Variants in MYO1H observed in about 807,000 individuals in gnomAD.
MYO1H encodes myosin IH, also known as unconventional myosin-Ih.
In MYO1H, 118 loss-of-function variants were observed where a neutral mutation model predicts 149.3. The observed-to-expected ratio is 0.79, with a 90% CI of 0.68 to 0.92. The LOEUF (loss-of-function observed/expected upper bound fraction) is 0.92, where lower values mean the gene tolerates loss of function less well. MYO1H is among the 40% of genes least tolerant of loss of function. MYO1H has a pLI of 0.00. For synonymous variants in MYO1H, 447 were observed against 465.2 expected, an observed-to-expected ratio of 0.96 and a Z score of 0.50; for missense variants, 1,212 against 1,280.7, an observed-to-expected ratio of 0.95 and a Z score of 0.82.
chr12:109,363,722 G>A (rs1184127309), intron 1 of MYO1H, among the ~76,000 whole-genome samples: 4 of 151,650 alleles, frequency 2.6e-5, no homozygotes, highest in African/African-American at 9.7e-5. Flanking sequence ...CAAAAAAAAA[G>A]AAGAAGACGC....
intron 25 of MYO1H, among the ~76,000 whole-genome samples, chr12:109,441,117 T>C (rs1872108806): frequency 1.3e-5 from 2 of 152,186 alleles, no homozygotes; most frequent in Non-Finnish European, 2.9e-5. Flanking sequence ...TGGAAATCTG[T>C]TTTTCACCGT....
chr12:109,318,972 G>GTTTTTGTTTTTT, the MYO1H span, among the ~76,000 whole-genome samples: 85 of 77,198 alleles, frequency 1.1e-3, no homozygotes, highest in African/African-American at 1.4e-3. Flanking sequence ...TTTTGGTTTT[G>GTTTTTGTTTTTT]TTTTTTTTTT....
At chr12:109,364,515 G>A (rs1250317435) in intron 1 of MYO1H, among the ~76,000 whole-genome samples, 1 of 151,986 alleles carries the variant, frequency 6.6e-6, no homozygotes, top group Admixed American at 6.6e-5. Context: ...TGTAGAGATG[G>A]GGTTTCTCCA....
chr12:109,409,225 T>TTCTTCTTCTTC (rs1566031713), intron 10 of MYO1H, among the ~76,000 whole-genome samples: 2 of 105,094 alleles, frequency 1.9e-5, no homozygotes, highest in Non-Finnish European at 3.8e-5. Context: ...CCTTCTTCTT[T>TTCTTCTTCTTC]TTCTTCTTCT....
At chr12:109,389,416 G>C (rs1476762439) in intron 2 of MYO1H, among the ~76,000 whole-genome samples, 2 of 152,128 alleles carry the variant, frequency 1.3e-5, no homozygotes, top group African/African-American at 4.8e-5. Context: ...CTGAAGGTGA[G>C]GGGTGGAGTT....
At chr12:109,362,220 G>T (rs759513678) in intron 1 of MYO1H, among the ~76,000 whole-genome samples, 2 of 152,188 alleles carry the variant, frequency 1.3e-5, no homozygotes, top group Admixed American at 6.5e-5. Flanking sequence ...GTGTGTCCTT[G>T]ATTATTTTAT....
chr12:109,396,485 C>A, exon 4 of MYO1H: 4 of 1,613,958 alleles, frequency 2.5e-6, no homozygotes, highest in Non-Finnish European at 3.4e-6. Flanking sequence ...ACAGAGGCCT[C>A]CAAGAAAATT....
chr12:109,349,068 C>G (rs1868399169), intron 1 of MYO1H, among the ~76,000 whole-genome samples: 1 of 152,174 alleles, frequency 6.6e-6, no homozygotes, highest in Non-Finnish European at 1.5e-5. Flanking sequence ...CATGATATCT[C>G]AAAGTGGTAA....
At chr12:109,333,135 C>T in the MYO1H span, among the ~76,000 whole-genome samples, 1 of 152,134 alleles carries the variant, frequency 6.6e-6, no homozygotes, top group Non-Finnish European at 1.5e-5. Flanking sequence ...GCCTGGCCAA[C>T]ATGGTGAAAC....
chr12:109,318,974 T>TTG, the MYO1H span, among the ~76,000 whole-genome samples: 8 of 83,434 alleles, frequency 9.6e-5, no homozygotes, highest in East Asian at 1.4e-3. Flanking sequence ...TTGGTTTTGT[T>TTG]TTTTTTTTTT....
intron 22 of MYO1H, among the ~76,000 whole-genome samples, chr12:109,437,952 G>C (rs1871935524): frequency 6.6e-6 from 1 of 151,876 alleles, no homozygotes; most frequent in South Asian, 2.1e-4. Context: ...ATTAGGCGTG[G>C]TGGTGCACAC....
chr12:109,418,497 C>T (rs1306565486), intron 15 of MYO1H, among the ~76,000 whole-genome samples: 1 of 151,862 alleles, frequency 6.6e-6, no homozygotes, highest in Non-Finnish European at 1.5e-5. Flanking sequence ...TTATAGATGT[C>T]CGCCACCACG....
Position 109,388,821 on chromosome 12 carries a change from C to T in MYO1H, c.151C>T (p.Arg51Cys), listed in dbSNP as rs771783574. The T allele has an allele frequency of 3.7e-6, 6 of 1,612,214 alleles. No individual in the cohort carries two copies. The highest frequency in any genetic ancestry group is 1.1e-5 in the South Asian group (1 of 90,836). ...TGCCTTTGTCGACAACCTCCGCAAG[C>T]GTTTCAGCGAGAACCTCATATACGT... is the stretch of plus-strand genomic sequence containing the variant. Residue 51 changes from arginine (R) to cysteine (C), a missense_variant, in exon 2 of 32, where the codon CGT becomes TGT. By Grantham distance (180) the Arg-to-Cys change is radical (BLOSUM62 -3). Transcript: ENST00000310903.
the MYO1H span, among the ~76,000 whole-genome samples, chr12:109,318,967 G>GTTTTT: frequency 8.3e-4 from 66 of 79,600 alleles, 3 homozygotes; most frequent in African/African-American, 2.4e-3. Context: ...TGCGTTTTTG[G>GTTTTT]TTTTGTTTTT....
chr12:109,388,766 T>C, exon 2 of MYO1H: 4 of 1,613,308 alleles, frequency 2.5e-6, no homozygotes, highest in Non-Finnish European at 3.4e-6. Context: ...TTCAGGATTT[T>C]GTGCTATTGG....
intron 1 of MYO1H, chr12:109,354,387 A>C (rs1051437669): frequency 6.6e-6 from 1 of 151,886 alleles, no homozygotes; most frequent in Admixed American, 6.6e-5. Flanking sequence ...CAGATCACGA[A>C]GTCAGGAGAT....
At chr12:109,333,563 A>G in the MYO1H span, among the ~76,000 whole-genome samples, 7 of 152,202 alleles carry the variant, frequency 4.6e-5, no homozygotes, top group Admixed American at 3.9e-4. Context: ...TGAGACTGCA[A>G]CCAGAAGCAC....
chr12:109,360,449 T>C (rs1868719110), intron 1 of MYO1H, among the ~76,000 whole-genome samples: 1 of 152,210 alleles, frequency 6.6e-6, no homozygotes, highest in Non-Finnish European at 1.5e-5. Flanking sequence ...CTTCTCTGTC[T>C]CTGTCTCTGT....
At chr12:109,428,443 G>T (rs561441926) in intron 19 of MYO1H, among the ~76,000 whole-genome samples, 1 of 152,114 alleles carries the variant, frequency 6.6e-6, no homozygotes, top group Non-Finnish European at 1.5e-5. Context: ...CTGGGATCAG[G>T]GAGTTTGTAA....
Sources: allele counts gnomAD v4.1 joint callset (sites outside exome capture counted in the v4.1 genomes callset), GRCh38; gene constraint gnomAD v4.1.1; transcripts MANE v1.5; gene names NCBI Gene and HGNC (gene_info 2026-07-23, HGNC 2026-07-21).